IQCJ: variants seen among roughly 807,000 people sequenced by gnomAD.
The protein encoded by IQCJ is IQ motif containing J.
Under a neutral mutation model 11.0 loss-of-function variants are expected in IQCJ, and 9 were observed. That is an observed-to-expected ratio of 0.82 (90% CI 0.49 to 1.43). The LOEUF (loss-of-function observed/expected upper bound fraction) is 1.43. Among genes scored for constraint, IQCJ ranks in the 40% most tolerant of loss-of-function variants. IQCJ has a pLI of 0.00. For missense variants in IQCJ, 146 were observed against 133.2 expected, an observed-to-expected ratio of 1.10 and a Z score of -0.47; for synonymous variants, 55 against 51.3, an observed-to-expected ratio of 1.07 and a Z score of -0.31.
At chr3:159,213,161 A>G (rs1373489841) in intron 1 of IQCJ, among the ~76,000 whole-genome samples, 8 of 152,214 alleles carry the variant, frequency 5.3e-5, no homozygotes, top group Admixed American at 4.6e-4. Flanking sequence ...TAAGAATGCC[A>G]TATGTGTCGC....
intron 1 of IQCJ, among the ~76,000 whole-genome samples, chr3:159,086,851 T>C (rs1207872944): frequency 6.6e-6 from 1 of 152,172 alleles, no homozygotes; most frequent in African/African-American, 2.4e-5. Context: ...TATACAATCA[T>C]GTCATCTGCA....
chr3:159,108,981 G>A (rs1718444428), intron 1 of IQCJ, among the ~76,000 whole-genome samples: 1 of 152,158 alleles, frequency 6.6e-6, no homozygotes, highest in Admixed American at 6.5e-5. Flanking sequence ...TCCCAGGACT[G>A]TACTAGACAC....
chr3:159,094,796 G>A (rs1717613112), intron 1 of IQCJ, among the ~76,000 whole-genome samples: 1 of 151,844 alleles, frequency 6.6e-6, no homozygotes. Context: ...GTCAAATAAT[G>A]AATGGTATTT....
chr3:159,261,674 G>C (rs913131181), intron 3 of IQCJ, among the ~76,000 whole-genome samples: 2 of 152,118 alleles, frequency 1.3e-5, no homozygotes, highest in Non-Finnish European at 2.9e-5. Flanking sequence ...ACCCAGTCTC[G>C]GGTATTTCTT....
At chr3:159,162,140 A>G (rs1210672053) in intron 1 of IQCJ, among the ~76,000 whole-genome samples, 2 of 152,146 alleles carry the variant, frequency 1.3e-5, no homozygotes, top group Admixed American at 6.5e-5. Flanking sequence ...CATTTTCACA[A>G]TATTGATTCT....
chr3:159,235,489 A>G (rs190363469), intron 1 of IQCJ, among the ~76,000 whole-genome samples: 49 of 152,346 alleles, frequency 3.2e-4, no homozygotes, highest in African/African-American at 1.1e-3. Context: ...ATTTTTCAAA[A>G]TAGCACTGGG....
intron 2 of IQCJ, among the ~76,000 whole-genome samples, chr3:159,252,000 T>A (rs1204374312): frequency 6.6e-6 from 1 of 152,242 alleles, no homozygotes; most frequent in African/African-American, 2.4e-5. Flanking sequence ...TTTGTTCTCC[T>A]ATTTTTTTCA....
At chr3:159,171,135 C>T (rs1722462672) in intron 1 of IQCJ, among the ~76,000 whole-genome samples, 1 of 151,322 alleles carries the variant, frequency 6.6e-6, no homozygotes, top group Non-Finnish European at 1.5e-5. Flanking sequence ...TGTTTAGTTG[C>T]ACTAGTTATT....
chr3:159,131,568 A>C (rs1719989826), intron 1 of IQCJ, among the ~76,000 whole-genome samples: 1 of 152,130 alleles, frequency 6.6e-6, no homozygotes, highest in Non-Finnish European at 1.5e-5. Context: ...TAGATGGTGC[A>C]ATTCTCACTG....
intron 1 of IQCJ, among the ~76,000 whole-genome samples, chr3:159,175,858 A>T (rs1722763834): frequency 6.6e-6 from 1 of 152,184 alleles, no homozygotes; most frequent in Non-Finnish European, 1.5e-5. Context: ...GTTGCATGGT[A>T]AGTATTTAGT....
intron 1 of IQCJ, among the ~76,000 whole-genome samples, chr3:159,072,391 A>G (rs1373181613): frequency 1.3e-5 from 2 of 152,078 alleles, no homozygotes; most frequent in Non-Finnish European, 2.9e-5. Context: ...TGGATGGAAA[A>G]GAAAGGAGAA....
chr3:159,209,554 C>T (rs969208929), intron 1 of IQCJ, among the ~76,000 whole-genome samples: 3 of 152,304 alleles, frequency 2.0e-5, no homozygotes, highest in Middle Eastern at 3.4e-3. Context: ...TATCCACAAA[C>T]AGCAACTGCT....
chr3:159,169,413 G>A (rs1722369689), intron 1 of IQCJ, among the ~76,000 whole-genome samples: 1 of 150,776 alleles, frequency 6.6e-6, no homozygotes, highest in African/African-American at 2.4e-5. Context: ...AGCCTCCTGA[G>A]TAGCTGGGAT....
At chr3:159,174,806 T>A (rs185815172) in intron 1 of IQCJ, among the ~76,000 whole-genome samples, 2 of 152,296 alleles carry the variant, frequency 1.3e-5, no homozygotes, top group African/African-American at 4.8e-5. Flanking sequence ...TTTTTTTTTC[T>A]TAGCCATGTT....
At chr3:159,104,142 T>C (rs775233450) in intron 1 of IQCJ, among the ~76,000 whole-genome samples, 2 of 152,230 alleles carry the variant, frequency 1.3e-5, no homozygotes, top group Non-Finnish European at 2.9e-5. Context: ...CTTCCCCAAA[T>C]GTCCCATAAA....
chr3:159,206,663 CTTGCCT>C (rs907225495), intron 1 of IQCJ, among the ~76,000 whole-genome samples: 1 of 152,166 alleles, frequency 6.6e-6, no homozygotes, highest in Non-Finnish European at 1.5e-5. Flanking sequence ...ATTCCCTAAA[CTTGCCT>C]TTTTCATGTC....
intron 3 of IQCJ, among the ~76,000 whole-genome samples, chr3:159,256,901 A>T (rs904596799): frequency 6.6e-6 from 1 of 152,142 alleles, no homozygotes; most frequent in African/African-American, 2.4e-5. Context: ...GGGCTAAGTA[A>T]TTTACATACA....
intron 1 of IQCJ, among the ~76,000 whole-genome samples, chr3:159,164,438 G>C (rs985853554): frequency 6.6e-5 from 10 of 152,246 alleles, no homozygotes; most frequent in African/African-American, 2.4e-4. Context: ...TCTCAGTCAA[G>C]CTTTGCTTTA....
chr3:159,071,593 G>A (rs1715564830), intron 1 of IQCJ, among the ~76,000 whole-genome samples: 1 of 151,974 alleles, frequency 6.6e-6, no homozygotes. Flanking sequence ...TACTTTTGAA[G>A]TCAATTATTT....
Sources: gnomAD v4.1 joint callset for allele counts (sites outside exome capture counted in the v4.1 genomes callset) on GRCh38, gnomAD v4.1.1 for gene constraint, MANE v1.5 for transcripts, NCBI Gene and HGNC (gene_info 2026-07-23, HGNC 2026-07-21) for gene names.